The following DZIP3 variants were observed in gnomAD, a reference collection of about 807,000 sequenced individuals.
DZIP3 encodes E3 ubiquitin-protein ligase DZIP3.
Under a neutral mutation model 162.0 loss-of-function variants are expected in DZIP3, and 118 were observed. The observed-to-expected ratio is 0.73, with a 90% CI of 0.63 to 0.85. The LOEUF is 0.85. DZIP3 is among the 40% of genes least tolerant of loss of function. The pLI, the probability that DZIP3 is intolerant of heterozygous loss-of-function variation, is 0.00. For synonymous variants in DZIP3, 438 were observed against 458.6 expected, an observed-to-expected ratio of 0.96 and a Z score of 0.57; for missense variants, 1,331 against 1,407.0, an observed-to-expected ratio of 0.95 and a Z score of 0.86.
At chr3:108,625,296 C>A (rs1323223542) in intron 6 of DZIP3, among the ~76,000 whole-genome samples, 1 of 152,072 alleles carries the variant, frequency 6.6e-6, no homozygotes, top group Non-Finnish European at 1.5e-5. Context: ...CTATGGGCAA[C>A]AAATCACTTA....
intron 26 of DZIP3, among the ~76,000 whole-genome samples, chr3:108,682,611 G>A (rs1944361223): frequency 6.6e-6 from 1 of 150,738 alleles, no homozygotes; most frequent in Admixed American, 6.6e-5. Flanking sequence ...AGAGACTAGG[G>A]AGGATAGATG....
At chr3:108,606,065 A>G (rs1239546178) in intron 2 of DZIP3, among the ~76,000 whole-genome samples, 1 of 152,244 alleles carries the variant, frequency 6.6e-6, no homozygotes, top group Non-Finnish European at 1.5e-5. Flanking sequence ...TGATTTAACA[A>G]GTGCTTACAT....
At chr3:108,655,406 T>C (rs1463338592) in intron 19 of DZIP3, among the ~76,000 whole-genome samples, 1 of 152,174 alleles carries the variant, frequency 6.6e-6, no homozygotes, top group Admixed American at 6.5e-5. Flanking sequence ...AGTTACTCAA[T>C]ATTTTATCAT....
At chr3:108,594,627 T>G (rs1939614444) in intron 1 of DZIP3, among the ~76,000 whole-genome samples, 1 of 151,962 alleles carries the variant, frequency 6.6e-6, no homozygotes, top group Non-Finnish European at 1.5e-5. Flanking sequence ...CCAATGTGTG[T>G]TGTTCCCCTG....
At chr3:108,648,198 A>G in intron 16 of DZIP3, 86 bp downstream of exon 16, 1 of 1,293,630 alleles carries the variant, frequency 7.7e-7, no homozygotes, top group Non-Finnish European at 1.0e-6. Context: ...AGCATCCCAG[A>G]TAATTTTAGC....
intron 26 of DZIP3, 57 bp downstream of exon 26, chr3:108,677,655 G>A: frequency 7.0e-7 from 1 of 1,429,352 alleles, no homozygotes; most frequent in Non-Finnish European, 9.9e-7. Context: ...AATGGTAAGG[G>A]CTGTGAAACA....
intron 32 of DZIP3, chr3:108,691,393 A>G (rs1464097500): frequency 2.1e-5 from 3 of 146,330 alleles, no homozygotes; most frequent in Non-Finnish European, 3.0e-5. Context: ...ATAATAAAAG[A>G]AAAAAAAAAG....
chr3:108,631,055 A>ACACACACACACACACACATACACTCTCT lies in DZIP3; in HGVS notation c.696+1880_696+1881insACACACACACACACACATACACTCTCTC. 3.9e-4 allele frequency among the ~76,000 whole-genome samples: 7 copies of ACACACACACACACACACATACACTCTCT among 18,006 alleles called. 1 individual carries two copies. Among genetic ancestry groups the ACACACACACACACACACATACACTCTCT allele is most frequent in the Admixed American group, 8.5e-4 (1 of 1,176 alleles). The allele number at this position is 18,006 out of a possible 152,430, so 11.8% of individuals were successfully genotyped here. A position where few individuals can be genotyped will look rare whatever the true frequency, so the allele number is the denominator to read the frequency against. Reference sequence around the variant, plus strand: ...CACACACACACACACACACACACACACTCTCTCTCTCTCTCTCTCTCTCTC... The same window carrying ACACACACACACACACACATACACTCTCT: ...CACACACACACACACACACACACACACACACACACACACACACATACACTCTCTCTCTCTCTCTCTCTCTCTCTCTCTC... On this transcript the variant is annotated intron_variant, in intron 8 of 32. Coordinates refer to ENST00000361582, the MANE Select transcript of DZIP3 (RefSeq NM_014648.4).
intron 5 of DZIP3, among the ~76,000 whole-genome samples, chr3:108,621,797 A>G (rs1239829660): frequency 2.0e-5 from 3 of 152,186 alleles, no homozygotes; most frequent in Admixed American, 6.5e-5. Context: ...TCAAAGAAAT[A>G]TTTGCATTCT....
In DZIP3 at chr3:108,619,333, T is replaced by G. The variant is rs546222015; in HGVS notation, c.375+2676T>G. Among the ~76,000 whole-genome samples the G allele has an allele frequency of 1.1e-4, 16 of 150,498 alleles. 1 individual carries two copies. The highest frequency in any genetic ancestry group is 6.6e-4 in the Admixed American group (10 of 15,196). On this transcript the variant is annotated intron_variant, in intron 5 of 32. Transcript: ENST00000361582. ...GTGTGTGTGTGTGTGTGTTTTGTTT[T>G]ATATACATAAAACATACAAATACTT...
At chr3:108,597,685 T>A (rs1939778664) in intron 1 of DZIP3, among the ~76,000 whole-genome samples, 1 of 152,210 alleles carries the variant, frequency 6.6e-6, no homozygotes, top group Non-Finnish European at 1.5e-5. Flanking sequence ...AAGACAGTAG[T>A]GTCCAGAGTA....
chr3:108,589,766 G>T lies in DZIP3; in HGVS notation c.-146G>T, dbSNP rs1576326963. 6.2e-6 allele frequency: 1 copy of T among 162,356 alleles called. No individual in the cohort carries two copies. Among genetic ancestry groups the T allele is most frequent in the East Asian group, 1.8e-4 (1 of 5,450 alleles). 10.1% of individuals were successfully genotyped at this position (162,356 alleles called of 1,614,324 possible). A position where few individuals can be genotyped will look rare whatever the true frequency, so the allele number is the denominator to read the frequency against. Reference sequence around the variant, plus strand: ...TTTCGTGCGCTTCCTCGTCCTTCATGTTGGATGGCCAGTTTTTCGTTTGTG... The same window carrying T: ...TTTCGTGCGCTTCCTCGTCCTTCATTTTGGATGGCCAGTTTTTCGTTTGTG... On this transcript the variant is annotated 5_prime_UTR_variant, in exon 1 of 33. The change abolishes an upstream ATG in the 5' untranslated region. Transcript: ENST00000361582.
At chr3:108,596,685 C>T (rs928361381) in intron 1 of DZIP3, among the ~76,000 whole-genome samples, 1 of 152,122 alleles carries the variant, frequency 6.6e-6, no homozygotes, top group Non-Finnish European at 1.5e-5. Context: ...CCTTCAGAGG[C>T]CTTGAGGTGT....
rs115280006 is a variant in DZIP3, at chr3:108,611,462, G to A, written c.258+133G>A. On this transcript the variant is annotated intron_variant, in intron 4 of 32. Coordinates refer to ENST00000361582, the MANE Select transcript of DZIP3 (RefSeq NM_014648.4). The stretch of plus-strand genomic sequence containing the variant: ...ATCTCCATCTTACTTCTTGTAAAGG[G>A]CTTTGTTGTCAACCTTGACTGTAGA... The A allele has an allele frequency of 3.0e-3, 3,244 of 1,095,872 alleles. 83 individuals are homozygous for A. The African/African-American group carries it at 0.048, about 16-fold the overall frequency. The allele number at this position is 1,095,872 out of a possible 1,614,324, so 67.9% of individuals were successfully genotyped here.
intron 11 of DZIP3, 77 bp downstream of exon 11, chr3:108,636,785 C>T (rs1942169404): frequency 6.9e-6 from 7 of 1,007,924 alleles, no homozygotes; most frequent in African/African-American, 1.7e-5. Context: ...TGAAACAGAC[C>T]TGGGGATCAT....
chr3:108,692,727 G>A (rs1203235283), intron 32 of DZIP3, among the ~76,000 whole-genome samples: 12 of 151,944 alleles, frequency 7.9e-5, no homozygotes, highest in Admixed American at 5.2e-4. Flanking sequence ...GTTTGCGATG[G>A]GTCCAGATAG....
chr3:108,638,535 T>C (rs1942257782), intron 12 of DZIP3, among the ~76,000 whole-genome samples: 1 of 152,170 alleles, frequency 6.6e-6, no homozygotes, highest in Non-Finnish European at 1.5e-5. Flanking sequence ...GCCAGGATGG[T>C]CTTGATCTCC....
At position 108,595,508 on chromosome 3, in the gene DZIP3, C is replaced by A. The variant is rs555985350; in HGVS notation, c.-73+5669C>A. Among the ~76,000 whole-genome samples, 3 of 152,250 alleles carry A rather than the reference C, an allele frequency of 2.0e-5. 1 individual carries two copies. In the South Asian group the frequency reaches 6.2e-4, roughly 32 times the overall value. On this transcript the variant is annotated intron_variant, in intron 1 of 32. Transcript: ENST00000361582. Reference sequence around the variant, plus strand: ...GGGATTACAGACATGAGCCACCACACCCACCTGTAAAGTTTTATTACTTGT... The same window carrying A: ...GGGATTACAGACATGAGCCACCACAACCACCTGTAAAGTTTTATTACTTGT...
chr3:108,641,669 A>T (rs1942407009), intron 12 of DZIP3, among the ~76,000 whole-genome samples: 1 of 152,168 alleles, frequency 6.6e-6, no homozygotes, highest in African/African-American at 2.4e-5. Flanking sequence ...AGTATGGGAG[A>T]TACCTTTTAC....
Sources: allele counts gnomAD v4.1 joint callset (sites outside exome capture counted in the v4.1 genomes callset), GRCh38; gene constraint gnomAD v4.1.1; transcripts MANE v1.5; gene names NCBI Gene and HGNC (gene_info 2026-07-23, HGNC 2026-07-21).